The following TJP3 variants were observed in gnomAD, a reference collection of about 807,000 sequenced individuals.
The protein encoded by TJP3 is tight junction protein 3.
Under a neutral mutation model 104.2 loss-of-function variants are expected in TJP3, and 85 were observed. That is an observed-to-expected ratio of 0.82 (90% CI 0.68 to 0.98). The LOEUF is 0.98. Among genes scored for constraint, TJP3 ranks in the 50% least tolerant of loss-of-function variants. TJP3 has a pLI of 0.00. For missense variants in TJP3, 1,367 were observed against 1,322.8 expected, an observed-to-expected ratio of 1.03 and a Z score of -0.52; for synonymous variants, 550 against 550.6, an observed-to-expected ratio of 1.00 and a Z score of 0.02.
In TJP3 at chr19:3,730,033, G is replaced by T; in HGVS notation, c.164G>T (p.Gly55Val). 6.2e-7 allele frequency: 1 copy of T among 1,613,868 alleles called. No homozygotes were observed. The change falls in exon 4 of 21, where the codon GGC becomes GTC. Residue 55 changes from glycine (G) to valine (V), a missense_variant. By Grantham distance (109) the Gly-to-Val change is moderately radical. Coordinates refer to ENST00000541714, the MANE Select transcript of TJP3 (RefSeq NM_001267560.2). The surrounding 1 kb of genome is among the most constrained non-coding windows in gnomAD (Gnocchi z 7.3). ...GGPAEGRLQT[G>V]DHIVMVNGVS... The stretch of plus-strand genomic sequence containing the variant: ...GACCCGCCCTCCTCTCTCAGGACAG[G>T]CGACCACATCGTCATGGTGAACGGG...
rs2036985655 is a variant in TJP3 at position 3,750,801 on chromosome 19, T to C, written c.*117T>C. 1 of 1,041,372 alleles carries C rather than the reference T, an allele frequency of 9.6e-7. No homozygotes were observed. Among genetic ancestry groups the C allele is most frequent in the African/African-American group, 1.6e-5 (1 of 62,526 alleles). The allele number at this position is 1,041,372 out of a possible 1,614,324, so 64.5% of individuals were successfully genotyped here. On this transcript the variant is annotated 3_prime_UTR_variant, in exon 21 of 21. Transcript: ENST00000541714. ...TCCGCCTGGTCTTTAATAAACAGAG[T>C]ATTTTCACAGCACCGGCTTCTAGTG...
chr19:3,749,216 C>T (rs2036955209), intron 19 of TJP3, among the ~76,000 whole-genome samples: 1 of 152,134 alleles, frequency 6.6e-6, no homozygotes, highest in African/African-American at 2.4e-5. Context: ...TCATCTAGGA[C>T]ACAGGGTGGA....
chr19:3,717,555 C>G (rs2036491868), intron 1 of TJP3, among the ~76,000 whole-genome samples: 1 of 151,930 alleles, frequency 6.6e-6, no homozygotes, highest in Non-Finnish European at 1.5e-5. Context: ...CTTGCCTCAG[C>G]CTCCTGAGTA....
At chr19:3,736,102 A>C in intron 10 of TJP3, 63 bp from the exon 11 acceptor site, 1 of 1,564,782 alleles carries the variant, frequency 6.4e-7, no homozygotes, top group Non-Finnish European at 8.7e-7. Context: ...TCCCAAGGAC[A>C]ATGCTGAGCC....
rs758892977 is a variant in TJP3, at chr19:3,750,658, G to A, written c.2734G>A (p.Asp912Asn). ...GGAGTCCTCCGATGAAGACGGCTAT[G>A]ACTGGGGTCCGGCCACTGACCTGTG... is the stretch of plus-strand genomic sequence containing the variant. ...DAESSDEDGY[D>N]WGPATDL The change falls in exon 21 of 21, where the codon GAC becomes AAC. Residue 912 changes from aspartate (D) to asparagine (N), a missense_variant. By Grantham distance (23) the Asp-to-Asn change is conservative (BLOSUM62 1). Transcript: ENST00000541714. 8 of 1,605,256 alleles carry A rather than the reference G, an allele frequency of 5.0e-6. No homozygotes were observed. Among genetic ancestry groups the A allele is most frequent in the African/African-American group, 1.3e-5 (1 of 74,852 alleles).
intron 1 of TJP3, among the ~76,000 whole-genome samples, chr19:3,715,433 T>C (rs1238022679): frequency 6.6e-6 from 1 of 151,376 alleles, no homozygotes; most frequent in East Asian, 1.9e-4. Flanking sequence ...AGGTCAGGGG[T>C]GGTGGGAATA....
rs114381839 is a variant in TJP3 at position 3,747,734 on chromosome 19, C to T, written c.2323-60C>T. On this transcript the variant is annotated intron_variant, in intron 18 of 20. Coordinates refer to ENST00000541714, the MANE Select transcript of TJP3 (RefSeq NM_001267560.2). ...CCAGAGTTTGAAGGTGGGGGGATGT[C>T]GTGGGTGGCAGCTGGGGTCCTGGCC... The T allele has an allele frequency of 1.0e-3, 1,507 of 1,463,504 alleles. 13 individuals carry two copies. In the African/African-American group the frequency reaches 0.019, roughly 18 times the overall value. 90.7% of individuals were successfully genotyped at this position (1,463,504 alleles called of 1,614,324 possible). A position where few individuals can be genotyped will look rare whatever the true frequency, so the allele number is the denominator to read the frequency against.
Position 3,743,950 on chromosome 19 carries a change from C to T in TJP3, c.1855C>T (p.Arg619Cys), listed in dbSNP as rs150181963. The change falls in exon 15 of 21, where the codon CGC becomes TGC. Residue 619 changes from arginine (R) to cysteine (C), a missense_variant. Arg to Cys is a radical substitution (Grantham distance 180). Transcript: ENST00000541714. ...RVVLREASFKRPVVILGPVAD... is the reference protein window; with the variant it reads ...RVVLREASFKCPVVILGPVAD... ...TCTCTACCCCTCAGCCAGTTTCAAGCGCCCGGTAGTGATCCTGGGACCCGT... is the reference window on the plus strand; with the variant it reads ...TCTCTACCCCTCAGCCAGTTTCAAGTGCCCGGTAGTGATCCTGGGACCCGT... 3.8e-3 allele frequency: 6,163 copies of T among 1,614,062 alleles called. 22 individuals are homozygous for T. Among genetic ancestry groups the T allele is most frequent in the Non-Finnish European group, 4.6e-3 (5,466 of 1,179,974 alleles).
At chr19:3,708,638 A>G (rs611481) in intron 1 of TJP3, 77 bp downstream of exon 1, 110,703 of 151,700 alleles carry the variant, frequency 0.73, 40,720 homozygotes, top group East Asian at 1. Context: ...GAGGGTCCTT[A>G]GACTCCCCCC....
Position 3,733,761 on chromosome 19 carries a change from G to A in TJP3, c.726G>A (p.Gly242=). The A allele has an allele frequency of 6.2e-7, 1 of 1,614,098 alleles. No homozygotes were observed. ...TTCCTGGTCCCTTTCAGATCAACGG[G>A]GTGTCTAGCCAGAACCTGTCACTGA... The part of the protein sequence containing the change: ...QEGDLILQIN[G]VSSQNLSLND... Residue 242 remains glycine (G), a synonymous_variant, in exon 7 of 21, where the codon GGG becomes GGA. Transcript: ENST00000541714.
intron 15 of TJP3, among the ~76,000 whole-genome samples, chr19:3,745,102 T>C (rs913072767): frequency 7.4e-5 from 11 of 148,724 alleles, no homozygotes; most frequent in African/African-American, 2.7e-4. Context: ...AAAAGAATTT[T>C]TTTAATTAAA....
chr19:3,744,586 C>T (rs2036861291), intron 15 of TJP3, among the ~76,000 whole-genome samples: 1 of 151,748 alleles, frequency 6.6e-6, no homozygotes, highest in Non-Finnish European at 1.5e-5. Flanking sequence ...ATTGCTTGAA[C>T]CCGTGAGGCA....
intron 11 of TJP3, 107 bp downstream of exon 11, chr19:3,736,428 G>A (rs566190802): frequency 1.9e-4 from 219 of 1,181,064 alleles, no homozygotes; most frequent in African/African-American, 1.4e-3. Flanking sequence ...GGGGACTGTC[G>A]AGACCCCAGA....
In TJP3 at chr19:3,746,739, T is replaced by G. The variant is rs1193130362; in HGVS notation, c.2222-37T>G. The G allele has an allele frequency of 1.9e-6, 3 of 1,599,458 alleles. No individual in the cohort carries two copies. The East Asian group carries it at 6.8e-5, about 36-fold the overall frequency. ...CAGGGTAGGCGGGTGGGCCCCAGCC[T>G]GAGTCTCCTGCACACACTGACGTCC... On this transcript the variant is annotated intron_variant, in intron 17 of 20. Transcript: ENST00000541714. The surrounding 1 kb of genome is among the most constrained non-coding windows in gnomAD (Gnocchi z 4.1).
At chr19:3,728,239 C>CA in intron 1 of TJP3, 185 bp from the exon 2 acceptor site, 2 of 984,102 alleles carry the variant, frequency 2.0e-6, no homozygotes, top group Non-Finnish European at 2.9e-6. Context: ...GACTCTGTCT[C>CA]AAAAAATGAA....
At chr19:3,742,589 A>G (rs898154993) in intron 14 of TJP3, among the ~76,000 whole-genome samples, 9 of 141,462 alleles carry the variant, frequency 6.4e-5, no homozygotes, top group Non-Finnish European at 1.2e-4. Context: ...ATGGACCTTG[A>G]GAAAAGCCTT....
chr19:3,726,444 C>T (rs2036596517), intron 1 of TJP3, among the ~76,000 whole-genome samples: 1 of 152,032 alleles, frequency 6.6e-6, no homozygotes, highest in Non-Finnish European at 1.5e-5. Context: ...ATTAAAAATA[C>T]AAAAATTAGC....
chr19:3,732,421 C>A (rs2036683421), intron 6 of TJP3, among the ~76,000 whole-genome samples: 1 of 152,114 alleles, frequency 6.6e-6, no homozygotes, highest in South Asian at 2.1e-4. Context: ...CTGGATTCTT[C>A]CCCTGAAAGT....
Position 3,746,953 on chromosome 19 carries a change from C to T in TJP3, c.2322+77C>T. On this transcript the variant is annotated intron_variant, in intron 18 of 20. Coordinates refer to ENST00000541714, the MANE Select transcript of TJP3 (RefSeq NM_001267560.2). This position sits in a 1 kb window ranked among gnomAD's most constrained non-coding sequence, Gnocchi z 4.1. ...CAGGCCCAGCTGGGGTTTGGGGCCT[C>T]TGTCGGGAGTTAGGGCTTGGTCAGG... The T allele has an allele frequency of 7.1e-7, 1 of 1,402,156 alleles. No homozygotes were observed. Among genetic ancestry groups the T allele is most frequent in the Non-Finnish European group, 9.8e-7 (1 of 1,017,180 alleles). The allele number at this position is 1,402,156 out of a possible 1,614,324, so 86.9% of individuals were successfully genotyped here.
Sources: gnomAD v4.1 joint callset for allele counts (sites outside exome capture counted in the v4.1 genomes callset) on GRCh38, gnomAD v4.1.1 for gene constraint, Gnocchi (gnomAD v3.1) non-coding constraint, MANE v1.5 for transcripts, NCBI Gene and HGNC (gene_info 2026-07-23, HGNC 2026-07-21) for gene names.